GOLIM4: variants seen among roughly 807,000 people sequenced by gnomAD.
GOLIM4 encodes the protein golgi integral membrane protein 4, also known as 130 kDa golgi-localized phosphoprotein.
Under a neutral mutation model 107.4 loss-of-function variants are expected in GOLIM4, and 71 were observed. The observed-to-expected ratio is 0.66, with a 90% confidence interval of 0.55 to 0.81. GOLIM4 has a LOEUF of 0.81. GOLIM4 is among the 30% of genes least tolerant of loss of function. The pLI is 0.00. For synonymous variants in GOLIM4, 327 were observed against 294.8 expected (o/e 1.11, Z -1.12); for missense variants, 830 against 826.1 (o/e 1.00, Z -0.06).
chr3:168,068,424 A>G (rs902411569), intron 1 of GOLIM4, among the ~76,000 whole-genome samples: 1 of 152,198 alleles, frequency 6.6e-6, no homozygotes, highest in African/African-American at 2.4e-5. Flanking sequence ...CACATTATTT[A>G]AAGCAATTTT....
chr3:168,072,735 T>C (rs904095638), intron 1 of GOLIM4, among the ~76,000 whole-genome samples: 7 of 152,038 alleles, frequency 4.6e-5, no homozygotes, highest in African/African-American at 1.7e-4. Flanking sequence ...CACAGAAAAA[T>C]TAGATGAAGC....
intron 1 of GOLIM4, among the ~76,000 whole-genome samples, chr3:168,056,559 T>C (rs928286700): frequency 2.4e-4 from 36 of 152,190 alleles, no homozygotes; most frequent in African/African-American, 8.4e-4. Context: ...GGAGGGAGGC[T>C]GTACCCTGCA....
At chr3:168,010,650 C>T in intron 15 of GOLIM4, 93 bp downstream of exon 15, 1 of 971,536 alleles carries the variant, frequency 1.0e-6, no homozygotes, top group Non-Finnish European at 1.6e-6. Flanking sequence ...CCATTACCCA[C>T]TGGTACGTAT....
chr3:168,048,846 C>G (rs1026349486), intron 1 of GOLIM4, among the ~76,000 whole-genome samples: 3 of 152,160 alleles, frequency 2.0e-5, no homozygotes, highest in Non-Finnish European at 4.4e-5. Context: ...TGAATTAAGG[C>G]TGCCTGGATC....
At chr3:168,086,482 A>G (rs539931269) in intron 1 of GOLIM4, among the ~76,000 whole-genome samples, 3 of 152,312 alleles carry the variant, frequency 2.0e-5, no homozygotes, top group Non-Finnish European at 4.4e-5. Flanking sequence ...GGAAAATGAA[A>G]TGTCTGACTC....
At chr3:168,048,423 A>C in intron 1 of GOLIM4, 58 bp from the exon 2 acceptor site, 2 of 786,070 alleles carry the variant, frequency 2.5e-6, no homozygotes, top group South Asian at 3.2e-5. Context: ...AACTAAAATT[A>C]ACATCAATTT....
At chr3:168,064,724 A>ATGCC (rs147405313) in intron 1 of GOLIM4, among the ~76,000 whole-genome samples, 12,379 of 151,844 alleles carry the variant, frequency 0.082, 1,639 homozygotes, top group African/African-American at 0.28. Context: ...GGCAAAATCC[A>ATGCC]TGCCTGGCTT....
chr3:168,046,376 A>G (rs2108250740), intron 3 of GOLIM4, among the ~76,000 whole-genome samples: 1 of 152,158 alleles, frequency 6.6e-6, no homozygotes, highest in South Asian at 2.1e-4. Flanking sequence ...TCATAGGACA[A>G]TAGTGGAGGG....
intron 1 of GOLIM4, among the ~76,000 whole-genome samples, chr3:168,050,822 T>TATAATAATAATAATAATA (rs140084468): frequency 8.8e-5 from 12 of 136,318 alleles, no homozygotes; most frequent in East Asian, 2.2e-4. Flanking sequence ...TAGCAACACC[T>TATAATAATAATAATAATA]ATAATAATAA....
At position 168,009,391 on chromosome 3, in the gene GOLIM4, C is replaced by A. The variant is rs1449687533; in HGVS notation, c.*878G>T. The A allele has an allele frequency of 1.3e-5, 1 of 75,070 alleles. No individual in the cohort carries two copies. Among genetic ancestry groups the A allele is most frequent in the Non-Finnish European group, 3.1e-5 (1 of 31,998 alleles). 4.7% of individuals were successfully genotyped at this position (75,070 alleles called of 1,614,324 possible). A position where few individuals can be genotyped will look rare whatever the true frequency, so the allele number is the denominator to read the frequency against. ...GGAAATATATATTACTTATAGGGAA[C>A]CAGACACTGAAACAAGAATATCAAT... On this transcript the variant is annotated 3_prime_UTR_variant, in exon 16 of 16. Coordinates refer to ENST00000470487, the MANE Select transcript of GOLIM4 (RefSeq NM_014498.5).
chr3:168,055,576 A>G (rs1187409730), intron 1 of GOLIM4, among the ~76,000 whole-genome samples: 1 of 151,972 alleles, frequency 6.6e-6, no homozygotes, highest in African/African-American at 2.4e-5. Context: ...AGGTGGAGGG[A>G]TCATGAGGTC....
chr3:168,044,708 C>T, intron 4 of GOLIM4, 120 bp downstream of exon 4: 1 of 623,496 alleles, frequency 1.6e-6, no homozygotes, highest in South Asian at 2.1e-5. Flanking sequence ...TTTAAAATGC[C>T]ATATTACAAT....
intron 7 of GOLIM4, among the ~76,000 whole-genome samples, chr3:168,037,981 G>T (rs749931781): frequency 1.3e-5 from 2 of 152,196 alleles, no homozygotes; most frequent in Non-Finnish European, 2.9e-5. Context: ...GGGCGCAGCA[G>T]GTGAGTGGAG....
chr3:168,050,860 T>TAAA (rs1553800148), intron 1 of GOLIM4, among the ~76,000 whole-genome samples: 45 of 128,806 alleles, frequency 3.5e-4, no homozygotes, highest in African/African-American at 1.2e-3. Flanking sequence ...ATAATAATAA[T>TAAA]AATAATAATA....
chr3:168,011,792 C>G lies in GOLIM4; in HGVS notation c.1861-969G>C, dbSNP rs1410737920. On this transcript the variant is annotated intron_variant, in intron 14 of 15. Coordinates refer to ENST00000470487, the MANE Select transcript of GOLIM4 (RefSeq NM_014498.5). ...CCCCCCAGCAGGAGCACACTGACAC[C>G]TCACAAGGCAGGGTATTCCAACAGA... 1.4e-4 allele frequency among the ~76,000 whole-genome samples: 19 copies of G among 133,844 alleles called. 6 individuals carry two copies. Among genetic ancestry groups the G allele is most frequent in the African/African-American group, 7.4e-4 (19 of 25,740 alleles). The allele number at this position is 133,844 out of a possible 152,430, so 87.8% of individuals were successfully genotyped here.
At chr3:168,052,205 T>C (rs189429478) in intron 1 of GOLIM4, among the ~76,000 whole-genome samples, 2 of 152,326 alleles carry the variant, frequency 1.3e-5, no homozygotes, top group African/African-American at 4.8e-5. Context: ...CTTAGAATAC[T>C]GCCTGGCACA....
intron 9 of GOLIM4, among the ~76,000 whole-genome samples, chr3:168,032,130 G>A (rs1718365911): frequency 6.6e-6 from 1 of 152,154 alleles, no homozygotes; most frequent in African/African-American, 2.4e-5. Context: ...AGGGAGAGGA[G>A]GACGCCTGAT....
At chr3:168,067,891 T>C (rs1340033655) in intron 1 of GOLIM4, among the ~76,000 whole-genome samples, 6 of 151,784 alleles carry the variant, frequency 4.0e-5, no homozygotes, top group Admixed American at 6.6e-5. Context: ...AAAATATACC[T>C]GATATTTATT....
At chr3:168,079,097 A>G (rs1209929017) in intron 1 of GOLIM4, among the ~76,000 whole-genome samples, 1 of 152,230 alleles carries the variant, frequency 6.6e-6, no homozygotes, top group Non-Finnish European at 1.5e-5. Context: ...TAAAATAGTC[A>G]TCAATCATAT....
Sources: allele counts gnomAD v4.1 joint callset (sites outside exome capture counted in the v4.1 genomes callset), GRCh38; gene constraint gnomAD v4.1.1; transcripts MANE v1.5; gene names NCBI Gene and HGNC (gene_info 2026-07-23, HGNC 2026-07-21).